Variants in KIF1C observed in about 807,000 individuals in gnomAD.
KIF1C encodes kinesin family member 1C, also known as kinesin-like protein KIF1C.
A neutral mutation model predicts 126.5 loss-of-function variants in KIF1C; 61 were observed. The ratio of observed to expected loss-of-function variants is 0.48; its 90% CI spans 0.39 to 0.60. The LOEUF (loss-of-function observed/expected upper bound fraction) is 0.60. KIF1C is among the 20% of genes least tolerant of loss of function. The probability of loss-of-function intolerance (pLI) is 0.00; values close to 1 mark genes in which losing one functional copy is unlikely to be tolerated. For synonymous variants in KIF1C, 640 were observed against 580.6 expected (o/e 1.10, Z -1.47); for missense variants, 1,315 against 1,489.2 (o/e 0.88, Z 1.93).
chr17:5,001,371 G>A lies in KIF1C; in HGVS notation c.333G>A (p.Gln111=). 2 of 1,614,116 alleles carry A rather than the reference G, an allele frequency of 1.2e-6. No homozygotes were observed. The highest frequency in any genetic ancestry group is 1.7e-6 in the Non-Finnish European group (2 of 1,179,960). The change falls in exon 5 of 23, where the codon CAG becomes CAA. Residue 111 remains glutamine (Q), a synonymous_variant. Transcript: ENST00000320785. ...AATCCTATACCATGATGGGGCGACA[G>A]GAGCCAGGGCAGCAGGGCATCGTGC... ...AGKSYTMMGR[Q]EPGQQGIVPQ...
intron 21 of KIF1C, among the ~76,000 whole-genome samples, chr17:5,021,153 T>TA (rs1482140328): frequency 6.7e-6 from 1 of 150,258 alleles, no homozygotes; most frequent in Non-Finnish European, 1.5e-5. Flanking sequence ...CCTGTGTTGG[T>TA]ATTAAGATTG....
intron 12 of KIF1C, 84 bp downstream of exon 12, chr17:5,004,729 G>C (rs1221522930): frequency 7.0e-6 from 11 of 1,580,188 alleles, no homozygotes; most frequent in South Asian, 6.7e-5. Context: ...GACCCTGCTC[G>C]TGAGACGGGG....
At chr17:5,003,017 C>T (rs374628894) in intron 8 of KIF1C, among the ~76,000 whole-genome samples, 175 bp downstream of exon 8, 19 of 151,900 alleles carry the variant, frequency 1.3e-4, no homozygotes, top group South Asian at 4.2e-4. Flanking sequence ...ATCAGTCTGT[C>T]CCCCTCTACT....
At position 5,000,825 on chromosome 17, in the gene KIF1C, T is replaced by C. The variant is rs1974570020; in HGVS notation, c.160T>C (p.Tyr54His). ...KDAPKSFTFDYSYWSHTSTED... is the reference protein window; with the variant it reads ...KDAPKSFTFDHSYWSHTSTED... ...TGCCCCCAAAAGCTTCACCTTTGAC[T>C]ACTCCTACTGGTCACACACTTCGGT... Residue 54 changes from tyrosine to histidine, a missense_variant, in exon 4 of 23, where the codon TAC becomes CAC. Physicochemically the swap from Tyr to His is moderately conservative, Grantham distance 83. Transcript: ENST00000320785. The C allele has an allele frequency of 6.2e-7, 1 of 1,613,910 alleles. No homozygotes were observed. The highest frequency in any genetic ancestry group is 8.5e-7 in the Non-Finnish European group (1 of 1,179,948).
At chr17:4,998,917 G>T (rs1974479423) in intron 1 of KIF1C, 2 of 152,510 alleles carry the variant, frequency 1.3e-5, no homozygotes, top group Middle Eastern at 3.4e-3. Flanking sequence ...CTGGGCTCCA[G>T]CCTGGCACCT....
chr17:5,019,903 G>A, intron 18 of KIF1C, 93 bp from the exon 19 acceptor site: 2 of 937,494 alleles, frequency 2.1e-6, no homozygotes, highest in Non-Finnish European at 3.4e-6. Context: ...GTGCATGTGT[G>A]GTTTTTTGGG....
rs1232664757 is a variant in KIF1C, at chr17:5,019,795, G to A, written c.1667-201G>A. On this transcript the variant is annotated intron_variant, in intron 18 of 22. Transcript: ENST00000320785. ...ACTGCAGAGGCTTCTGGGAATTGTA[G>A]TTGGGGCTCTAACCCTCCTTCTGCT... 3 of 597,488 alleles carry A rather than the reference G, an allele frequency of 5.0e-6. No individual in the cohort carries two copies. In the South Asian group the frequency reaches 6.0e-5, roughly 12 times the overall value. 37.0% of individuals were successfully genotyped at this position (597,488 alleles called of 1,614,324 possible). A position where few individuals can be genotyped will look rare whatever the true frequency, so the allele number is the denominator to read the frequency against.
At chr17:5,021,348 G>A (rs1975088236) in intron 21 of KIF1C, among the ~76,000 whole-genome samples, 1 of 151,590 alleles carries the variant, frequency 6.6e-6, no homozygotes, top group South Asian at 2.1e-4. Context: ...AATAATTATT[G>A]TATTTTTAGT....
chr17:5,006,902 T>C lies in KIF1C; in HGVS notation c.1166-13T>C. On this transcript the variant is annotated splice_polypyrimidine_tract_variant and intron_variant, in intron 13 of 22. Coordinates refer to ENST00000320785, the MANE Select transcript of KIF1C (RefSeq NM_006612.6). ...TCCTTAGCCTCATTCTTTTTCCTCTTTCTCCCTCCCAGGCCTGAAGACGGA... is the reference window on the plus strand; with the variant it reads ...TCCTTAGCCTCATTCTTTTTCCTCTCTCTCCCTCCCAGGCCTGAAGACGGA... 1 of 1,611,956 alleles carries C rather than the reference T, an allele frequency of 6.2e-7. No individual in the cohort carries two copies.
At chr17:5,008,507 AGCCAGACAGT>A (rs1184999607) in intron 16 of KIF1C, among the ~76,000 whole-genome samples, 1 of 152,208 alleles carries the variant, frequency 6.6e-6, no homozygotes, top group East Asian at 1.9e-4. Flanking sequence ...CTGTGCTCTG[AGCCAGACAGT>A]GTCACTGGGG....
At chr17:5,010,545 G>T (rs1205766979) in intron 16 of KIF1C, among the ~76,000 whole-genome samples, 1 of 151,748 alleles carries the variant, frequency 6.6e-6, no homozygotes, top group Non-Finnish European at 1.5e-5. Context: ...TCAGGAGATC[G>T]AGACCATCCT....
At chr17:4,999,409 T>C (rs1013872988) in intron 1 of KIF1C, among the ~76,000 whole-genome samples, 16 of 152,210 alleles carry the variant, frequency 1.1e-4, no homozygotes, top group African/African-American at 3.9e-4. Context: ...TTCCCCACCC[T>C]GTCTCTTTAA....
intron 1 of KIF1C, among the ~76,000 whole-genome samples, 187 bp downstream of exon 1, chr17:4,998,343 T>C (rs1974445220): frequency 6.6e-6 from 1 of 152,004 alleles, no homozygotes; most frequent in Non-Finnish European, 1.5e-5. Context: ...GGAGGACGGG[T>C]CCGCATGGCC....
chr17:5,013,667 G>A lies in KIF1C; in HGVS notation c.1506G>A (p.Val502=), dbSNP rs753430444. 1.9e-6 allele frequency: 3 copies of A among 1,613,586 alleles called. No individual in the cohort carries two copies. In the African/African-American group the frequency reaches 4.0e-5, roughly 22 times the overall value. Residue 502 remains valine, a synonymous_variant, in exon 17 of 23, where the codon GTG becomes GTA. Coordinates refer to ENST00000320785, the MANE Select transcript of KIF1C (RefSeq NM_006612.6). The stretch of plus-strand genomic sequence containing the variant: ...TCCCCGCTTAGACTCCCCACCTGGT[G>A]AACCTGAACGAAGACCCTCTGATGT... ...VFSPKKTPHL[V]NLNEDPLMSE...
chr17:5,000,169 C>A, intron 2 of KIF1C, 51 bp from the exon 3 acceptor site: 1 of 1,029,304 alleles, frequency 9.7e-7, no homozygotes, highest in Non-Finnish European at 1.5e-6. Flanking sequence ...GAGGCAATGT[C>A]TGGGTCCCTG....
rs376569688 is a variant in KIF1C at position 5,022,398 on chromosome 17, G to A, written c.2317G>A (p.Ala773Thr). 5.7e-6 allele frequency: 9 copies of A among 1,578,098 alleles called. No homozygotes were observed. The highest frequency in any genetic ancestry group is 6.9e-6 in the Non-Finnish European group (8 of 1,160,932). ...DFRHGRAEIEALAALKMRELC... is the reference protein window; with the variant it reads ...DFRHGRAEIETLAALKMRELC... ...CCGCCACGGGCGGGCTGAGATTGAGGCCCTGGCCGCCCTCAAGATGCGGGA... is the reference window on the plus strand; with the variant it reads ...CCGCCACGGGCGGGCTGAGATTGAGACCCTGGCCGCCCTCAAGATGCGGGA... Residue 773 changes from alanine to threonine, a missense_variant, in exon 22 of 23, where the codon GCC becomes ACC. Ala to Thr is a moderately conservative substitution (Grantham distance 58). Coordinates refer to ENST00000320785, the MANE Select transcript of KIF1C (RefSeq NM_006612.6). This position sits in a 1 kb window ranked among gnomAD's most constrained non-coding sequence, Gnocchi z 4.9.
intron 8 of KIF1C, among the ~76,000 whole-genome samples, chr17:5,003,221 A>G (rs983192337): frequency 6.6e-5 from 10 of 151,388 alleles, no homozygotes; most frequent in African/African-American, 2.2e-4. Context: ...ATTTTTTTGT[A>G]TTTTTAGTAG....
Position 5,024,254 on chromosome 17 carries a change from G to C in KIF1C, c.*103G>C. 1.2e-6 allele frequency: 1 copy of C among 818,158 alleles called. No homozygotes were observed. The highest frequency in any genetic ancestry group is 1.9e-6 in the Non-Finnish European group (1 of 515,158). The allele number at this position is 818,158 out of a possible 1,614,324, so 50.7% of individuals were successfully genotyped here. A position where few individuals can be genotyped will look rare whatever the true frequency, so the allele number is the denominator to read the frequency against. ...GAAGTGCTGGGGCAGGGAGGCCCAG[G>C]AGATGAGAGAGAAGGTCCGAGTAGG... On this transcript the variant is annotated 3_prime_UTR_variant, in exon 23 of 23. Coordinates refer to ENST00000320785, the MANE Select transcript of KIF1C (RefSeq NM_006612.6).
intron 16 of KIF1C, among the ~76,000 whole-genome samples, chr17:5,009,071 G>A (rs1302919689): frequency 6.6e-6 from 1 of 151,518 alleles, no homozygotes; most frequent in African/African-American, 2.4e-5. Context: ...TCTAAAAGGT[G>A]TGTACAGTGA....
Sources: allele counts gnomAD v4.1 joint callset (sites outside exome capture counted in the v4.1 genomes callset), GRCh38; gene constraint gnomAD v4.1.1; non-coding constraint Gnocchi (gnomAD v3.1); transcripts MANE v1.5; gene names NCBI Gene and HGNC (gene_info 2026-07-23, HGNC 2026-07-21).